TENM3: variants seen among roughly 807,000 people sequenced by gnomAD.
The protein encoded by TENM3 is teneurin transmembrane protein 3.
Under a neutral mutation model 255.1 loss-of-function variants are expected in TENM3, and 63 were observed. The ratio of observed to expected loss-of-function variants is 0.25; its 90% confidence interval spans 0.20 to 0.30. The LOEUF (loss-of-function observed/expected upper bound fraction) is 0.30, where lower values mean the gene tolerates loss of function less well. TENM3 is among the 10% of genes least tolerant of loss of function. The probability of loss-of-function intolerance (pLI) is 1.00; values close to 1 mark genes in which losing one functional copy is unlikely to be tolerated. For synonymous variants in TENM3, 1,306 were observed against 1,322.3 expected, an observed-to-expected ratio of 0.99 and a Z score of 0.27; for missense variants, 2,929 against 3,461.1, an observed-to-expected ratio of 0.85 and a Z score of 3.86.
intron 13 of TENM3, among the ~76,000 whole-genome samples, chr4:182,723,123 G>A (rs1318845012): frequency 6.6e-6 from 1 of 152,172 alleles, no homozygotes; most frequent in Non-Finnish European, 1.5e-5. Flanking sequence ...GCAATTGGTG[G>A]CTTTGTAGTT....
Position 182,801,854 on chromosome 4 carries a change from G to C in TENM3, c.*1503G>C, listed in dbSNP as rs1387274995. The C allele has an allele frequency of 6.6e-6, 1 of 152,512 alleles. No individual in the cohort carries two copies. Among genetic ancestry groups the C allele is most frequent in the Admixed American group, 6.5e-5 (1 of 15,278 alleles). 9.4% of individuals were successfully genotyped at this position (152,512 alleles called of 1,614,324 possible). A position where few individuals can be genotyped will look rare whatever the true frequency, so the allele number is the denominator to read the frequency against. On this transcript the variant is annotated 3_prime_UTR_variant, in exon 28 of 28. Coordinates refer to ENST00000511685, the MANE Select transcript of TENM3 (RefSeq NM_001080477.4). ...CACATGCATGCACGCGTGTGGGAAC[G>C]AGCCCAGCCGCCATCTGCACTTCCG...
At chr4:181,457,822 T>C in the TENM3 span, among the ~76,000 whole-genome samples, 69 of 152,086 alleles carry the variant, frequency 4.5e-4, no homozygotes, top group African/African-American at 1.6e-3. Context: ...TCAGATGACC[T>C]GTAATTATTA....
At chr4:182,365,512 A>G (rs1766373399) in intron 3 of TENM3, among the ~76,000 whole-genome samples, 1 of 152,228 alleles carries the variant, frequency 6.6e-6, no homozygotes, top group Admixed American at 6.5e-5. Flanking sequence ...GTCTAGCTGG[A>G]TGCCGCCTGT....
the TENM3 span, among the ~76,000 whole-genome samples, chr4:181,644,697 G>A: frequency 0.082 from 12,133 of 148,718 alleles, 660 homozygotes; most frequent in South Asian, 0.15. Context: ...TTTTTGTTTC[G>A]TTTTTCTGTT....
intron 1 of TENM3, among the ~76,000 whole-genome samples, chr4:182,315,003 T>C (rs1762669907): frequency 6.6e-6 from 1 of 152,226 alleles, no homozygotes; most frequent in Non-Finnish European, 1.5e-5. Context: ...AATATAACAC[T>C]GTCTGCCTTG....
the TENM3 span, among the ~76,000 whole-genome samples, chr4:181,925,703 G>A: frequency 1.3e-5 from 2 of 152,250 alleles, no homozygotes; most frequent in South Asian, 4.1e-4. Flanking sequence ...AATTAATCTT[G>A]GTAGAACTCT....
the TENM3 span, among the ~76,000 whole-genome samples, chr4:181,660,617 T>C: frequency 6.6e-6 from 1 of 152,170 alleles, no homozygotes; most frequent in Non-Finnish European, 1.5e-5. Context: ...AAGCAGCTAA[T>C]TGTTTACTAT....
At chr4:182,161,628 A>ATCC (rs1561152437) in intron 1 of TENM3, among the ~76,000 whole-genome samples, 1 of 84,110 alleles carries the variant, frequency 1.2e-5, no homozygotes, top group Non-Finnish European at 2.3e-5. Context: ...TATATATACA[A>ATCC]ATATATATAT....
At chr4:182,601,214 C>T (rs1747817830) in intron 4 of TENM3, 53 bp downstream of exon 4, 2 of 1,387,004 alleles carry the variant, frequency 1.4e-6, no homozygotes, top group Admixed American at 1.7e-5. Context: ...TCACCAGGAG[C>T]AATTTACTAT....
chr4:182,226,399 T>G (rs1756159625), intron 1 of TENM3, among the ~76,000 whole-genome samples: 1 of 152,150 alleles, frequency 6.6e-6, no homozygotes. Context: ...GAAAGATGAC[T>G]AATGGAATGT....
intron 3 of TENM3, among the ~76,000 whole-genome samples, chr4:182,558,209 G>T (rs1742770620): frequency 6.6e-6 from 1 of 152,162 alleles, no homozygotes; most frequent in South Asian, 2.1e-4. Flanking sequence ...AAAACGCTTG[G>T]AAAACAAGTG....
the TENM3 span, among the ~76,000 whole-genome samples, chr4:181,777,900 G>A: frequency 2.0e-5 from 3 of 151,964 alleles, no homozygotes; most frequent in Non-Finnish European, 4.4e-5. Context: ...AATCTCATTG[G>A]CAAATTATTG....
intron 1 of TENM3, among the ~76,000 whole-genome samples, chr4:182,296,567 G>T (rs1483939081): frequency 6.6e-6 from 1 of 152,154 alleles, no homozygotes; most frequent in Admixed American, 6.5e-5. Context: ...AGATGAGCTG[G>T]GGACATTAAG....
the TENM3 span, among the ~76,000 whole-genome samples, chr4:182,100,269 T>G: frequency 6.6e-6 from 1 of 151,654 alleles, no homozygotes; most frequent in Non-Finnish European, 1.5e-5. Flanking sequence ...TGCTCTCACT[T>G]GAGACATCCA....
At chr4:181,938,475 ACACT>A in the TENM3 span, among the ~76,000 whole-genome samples, 7 of 152,220 alleles carry the variant, frequency 4.6e-5, no homozygotes, top group African/African-American at 1.7e-4. Flanking sequence ...TATTTACAAA[ACACT>A]CAATAAATTG....
chr4:182,671,988 G>A (rs1329536323), intron 6 of TENM3, among the ~76,000 whole-genome samples: 1 of 152,098 alleles, frequency 6.6e-6, no homozygotes, highest in Non-Finnish European at 1.5e-5. Flanking sequence ...TGTTATCAGT[G>A]TAAAAGGGCT....
At chr4:182,676,536 G>A (rs551682451) in intron 7 of TENM3, among the ~76,000 whole-genome samples, 3 of 152,318 alleles carry the variant, frequency 2.0e-5, no homozygotes, top group Admixed American at 2.0e-4. Flanking sequence ...CACTACCAAA[G>A]AGTTGATGTA....
intron 1 of TENM3, among the ~76,000 whole-genome samples, chr4:182,275,351 G>A (rs1041552110): frequency 1.3e-5 from 2 of 152,156 alleles, no homozygotes; most frequent in African/African-American, 2.4e-5. Context: ...TCAAGGGCAA[G>A]TAGTGTGTCT....
At chr4:182,545,258 C>T (rs928720103) in intron 3 of TENM3, among the ~76,000 whole-genome samples, 2 of 152,122 alleles carry the variant, frequency 1.3e-5, no homozygotes, top group African/African-American at 2.4e-5. Context: ...CGTGGAAAGA[C>T]GTCTTTTTTG....
Sources: gnomAD v4.1 joint callset for allele counts (sites outside exome capture counted in the v4.1 genomes callset) on GRCh38, gnomAD v4.1.1 for gene constraint, MANE v1.5 for transcripts, NCBI Gene and HGNC (gene_info 2026-07-23, HGNC 2026-07-21) for gene names.